Variants in CARMIL1 observed in about 807,000 individuals in gnomAD.
The protein encoded by CARMIL1 is capping protein regulator and myosin 1 linker 1, also known as F-actin-uncapping protein LRRC16A.
A neutral mutation model predicts 177.1 loss-of-function variants in CARMIL1; 90 were observed. The observed-to-expected ratio is 0.51, with a 90% CI of 0.43 to 0.61. The LOEUF is 0.61. Ranked by LOEUF, CARMIL1 falls within the 20% of genes least tolerant of loss-of-function variation. The pLI, the probability that CARMIL1 is intolerant of heterozygous loss-of-function variation, is 0.00. For missense variants in CARMIL1, 1,380 were observed against 1,667.0 expected, an observed-to-expected ratio of 0.83 and a Z score of 3.00; for synonymous variants, 577 against 606.2, an observed-to-expected ratio of 0.95 and a Z score of 0.71.
At chr6:25,398,732 C>T (rs73730720) in intron 2 of CARMIL1, among the ~76,000 whole-genome samples, 2,267 of 152,202 alleles carry the variant, frequency 0.015, 50 homozygotes, top group African/African-American at 0.049. Context: ...GCTCCCCATG[C>T]GAAGACTTTT....
At chr6:25,405,585 C>G (rs1326587240) in intron 2 of CARMIL1, among the ~76,000 whole-genome samples, 1 of 152,198 alleles carries the variant, frequency 6.6e-6, no homozygotes, top group Non-Finnish European at 1.5e-5. Context: ...AACTGAAACT[C>G]TGTCTTTCTG....
chr6:25,571,942 A>C (rs1345509982), intron 29 of CARMIL1, among the ~76,000 whole-genome samples: 1 of 152,200 alleles, frequency 6.6e-6, no homozygotes, highest in Non-Finnish European at 1.5e-5. Context: ...CTATATAATG[A>C]GTGCATTCTC....
At chr6:25,581,044 C>A in intron 30 of CARMIL1, 54 bp downstream of exon 30, 1 of 1,534,232 alleles carries the variant, frequency 6.5e-7, no homozygotes, top group Non-Finnish European at 8.9e-7. Flanking sequence ...GCACCCTCAG[C>A]AAGACCTTAG....
intron 17 of CARMIL1, among the ~76,000 whole-genome samples, chr6:25,501,125 A>G (rs1190105952): frequency 2.0e-5 from 3 of 152,106 alleles, no homozygotes; most frequent in Non-Finnish European, 4.4e-5. Flanking sequence ...ACTTTGTGTG[A>G]CTAGTAAGAA....
intron 31 of CARMIL1, among the ~76,000 whole-genome samples, chr6:25,589,960 C>T (rs764999830): frequency 1.3e-5 from 2 of 152,140 alleles, no homozygotes; most frequent in African/African-American, 2.4e-5. Context: ...GTGCATGCAG[C>T]AGGGAATCTA....
intron 3 of CARMIL1, chr6:25,420,376 C>A (rs916637434): frequency 1.8e-6 from 1 of 555,506 alleles, no homozygotes; most frequent in Non-Finnish European, 3.2e-6. Flanking sequence ...CCCAGAAGCA[C>A]CTAAAGGCTG....
At chr6:25,339,808 G>C (rs538007414) in intron 2 of CARMIL1, among the ~76,000 whole-genome samples, 1 of 152,306 alleles carries the variant, frequency 6.6e-6, no homozygotes, top group South Asian at 2.1e-4. Flanking sequence ...ACTTACCTGT[G>C]TTAAGCCTCA....
At chr6:25,379,812 C>T (rs572676567) in intron 2 of CARMIL1, among the ~76,000 whole-genome samples, 63 of 152,208 alleles carry the variant, frequency 4.1e-4, no homozygotes, top group African/African-American at 1.4e-3. Flanking sequence ...CTTTTTCTGC[C>T]ATTTCTTTTT....
intron 26 of CARMIL1, among the ~76,000 whole-genome samples, chr6:25,548,733 G>A (rs779344494): frequency 7.2e-5 from 11 of 152,100 alleles, no homozygotes; most frequent in African/African-American, 1.2e-4. Context: ...AAGCAGAGAC[G>A]GAAGGCACAT....
At chr6:25,428,409 C>G (rs748670432) in intron 4 of CARMIL1, among the ~76,000 whole-genome samples, 1 of 152,164 alleles carries the variant, frequency 6.6e-6, no homozygotes, top group Admixed American at 6.5e-5. Context: ...CACTCTTATA[C>G]TCTCTTTATT....
intron 2 of CARMIL1, among the ~76,000 whole-genome samples, chr6:25,299,632 A>G (rs1392971003): frequency 6.6e-6 from 1 of 151,896 alleles, no homozygotes; most frequent in Non-Finnish European, 1.5e-5. Flanking sequence ...GCCCCTCCCC[A>G]CTAGATCCTG....
chr6:25,426,938 T>TA (rs916610403), intron 4 of CARMIL1, among the ~76,000 whole-genome samples: 1 of 152,064 alleles, frequency 6.6e-6, no homozygotes, highest in African/African-American at 2.4e-5. Flanking sequence ...AATGCTGATT[T>TA]AAAAAAATAG....
At chr6:25,612,761 A>G (rs1289601467) in intron 36 of CARMIL1, 1 of 985,288 alleles carries the variant, frequency 1.0e-6, no homozygotes, top group Non-Finnish European at 1.2e-6. Context: ...GATTATTACA[A>G]AAGACATTCA....
chr6:25,390,320 A>ATATATATATATATATATTTTTTTTT (rs1554184839), intron 2 of CARMIL1, among the ~76,000 whole-genome samples: 3 of 58,094 alleles, frequency 5.2e-5, no homozygotes, highest in Non-Finnish European at 1.0e-4. Flanking sequence ...ATATATATAT[A>ATATATATATATATATATTTTTTTTT]TTTTTTTTTT....
intron 2 of CARMIL1, among the ~76,000 whole-genome samples, chr6:25,386,751 A>G (rs563853151): frequency 1.3e-5 from 2 of 152,294 alleles, no homozygotes; most frequent in African/African-American, 4.8e-5. Context: ...GGTCATTTTT[A>G]TTGATTTTAC....
In CARMIL1 at chr6:25,620,368, A is replaced by G. The variant is rs532200580; in HGVS notation, c.*785A>G. On this transcript the variant is annotated 3_prime_UTR_variant, in exon 37 of 37. Transcript: ENST00000329474. ...GAAGGCCTTTAATTTCTGTCTGCAT[A>G]TTAGCTTTTAATGTGTGATTTTAAG... The G allele has an allele frequency of 6.6e-6, 1 of 152,210 alleles. No homozygotes were observed. The highest frequency in any genetic ancestry group is 2.1e-4 in the South Asian group (1 of 4,834). 9.4% of individuals were successfully genotyped at this position (152,210 alleles called of 1,614,324 possible). A position where few individuals can be genotyped will look rare whatever the true frequency, so the allele number is the denominator to read the frequency against.
At chr6:25,605,631 C>T (rs1231308961) in intron 34 of CARMIL1, among the ~76,000 whole-genome samples, 1 of 152,192 alleles carries the variant, frequency 6.6e-6, no homozygotes, top group Non-Finnish European at 1.5e-5. Flanking sequence ...ACCCTCCTCA[C>T]TCAGAACCTG....
intron 33 of CARMIL1, 108 bp from the exon 34 acceptor site, chr6:25,604,704 C>A: frequency 1.2e-6 from 1 of 821,584 alleles, no homozygotes; most frequent in Non-Finnish European, 2.0e-6. Flanking sequence ...ATAACAGCAG[C>A]TGAGTTAAAG....
chr6:25,450,093 A>G lies in CARMIL1; in HGVS notation c.469+98A>G, dbSNP rs574256368. 40 of 1,046,018 alleles carry G rather than the reference A, an allele frequency of 3.8e-5. No individual in the cohort carries two copies. The East Asian group carries it at 5.7e-4, about 15-fold the overall frequency. The allele number at this position is 1,046,018 out of a possible 1,614,324, so 64.8% of individuals were successfully genotyped here. A position where few individuals can be genotyped will look rare whatever the true frequency, so the allele number is the denominator to read the frequency against. On this transcript the variant is annotated intron_variant, in intron 6 of 36. Coordinates refer to ENST00000329474, the MANE Select transcript of CARMIL1 (RefSeq NM_017640.6). ...CCTAGTGTGCTACTGTAAAGGTGCA[A>G]TTAGTTTCAAGGTGTAATTAGCAGC...
Sources: gnomAD v4.1 joint callset for allele counts (sites outside exome capture counted in the v4.1 genomes callset) on GRCh38, gnomAD v4.1.1 for gene constraint, MANE v1.5 for transcripts, NCBI Gene and HGNC (gene_info 2026-07-23, HGNC 2026-07-21) for gene names.